CABLES1: variants seen among roughly 807,000 people sequenced by gnomAD.
The protein encoded by CABLES1 is CDK5 and ABL1 enzyme substrate 1.
Under a neutral mutation model 57.8 loss-of-function variants are expected in CABLES1, and 36 were observed. That is an observed-to-expected ratio of 0.62 (90% CI 0.48 to 0.82). CABLES1 has a LOEUF of 0.82. Among genes scored for constraint, CABLES1 ranks in the 40% least tolerant of loss-of-function variants. CABLES1 has a pLI of 0.00. For synonymous variants in CABLES1, 374 were observed against 363.0 expected, an observed-to-expected ratio of 1.03 and a Z score of -0.35; for missense variants, 767 against 836.6, an observed-to-expected ratio of 0.92 and a Z score of 1.03.
At chr18:23,252,568 C>T (rs1249895496) in intron 7 of CABLES1, among the ~76,000 whole-genome samples, 1 of 152,138 alleles carries the variant, frequency 6.6e-6, no homozygotes, top group East Asian at 1.9e-4. Flanking sequence ...TCTCCCAAAG[C>T]CGTCAGACTA....
intron 1 of CABLES1, among the ~76,000 whole-genome samples, chr18:23,172,655 T>G (rs1188817439): frequency 6.6e-6 from 1 of 152,204 alleles, no homozygotes; most frequent in Non-Finnish European, 1.5e-5. Flanking sequence ...ACCTCTGACA[T>G]AGACTTTTTT....
intron 1 of CABLES1, among the ~76,000 whole-genome samples, chr18:23,170,353 C>T (rs1189761938): frequency 2.6e-5 from 4 of 152,258 alleles, no homozygotes; most frequent in African/African-American, 4.8e-5. Context: ...TCGTGCTGTG[C>T]GAAGGAATGT....
In CABLES1 at chr18:23,135,838, A is replaced by G; in HGVS notation, c.76A>G (p.Ser26Gly). ...GSAGTDAAGA[S>G]GLQQPPPQPQ... is the part of the protein sequence containing the mutation. ...CGCCGGCACCGACGCCGCGGGCGCC[A>G]GCGGATTGCAGCAGCCGCCGCCGCA... The change falls in exon 1 of 10, where the codon AGC becomes GGC. Residue 26 changes from serine (S) to glycine (G), a missense_variant. Physicochemically the swap from Ser to Gly is moderately conservative, Grantham distance 56. Transcript: ENST00000256925. 1 of 970,550 alleles carries G rather than the reference A, an allele frequency of 1.0e-6. No individual in the cohort carries two copies. The highest frequency in any genetic ancestry group is 1.2e-6 in the Non-Finnish European group (1 of 817,594). The allele number at this position is 970,550 out of a possible 1,614,324, so 60.1% of individuals were successfully genotyped here. A position where few individuals can be genotyped will look rare whatever the true frequency, so the allele number is the denominator to read the frequency against.
chr18:23,222,995 TTC>T (rs763604750), intron 4 of CABLES1, among the ~76,000 whole-genome samples: 43 of 152,324 alleles, frequency 2.8e-4, no homozygotes, highest in Admixed American at 1.8e-3. Flanking sequence ...GCCTGTGCAG[TTC>T]TCTCCGATCA....
At chr18:23,142,802 C>T (rs1434446895) in intron 1 of CABLES1, among the ~76,000 whole-genome samples, 1 of 151,962 alleles carries the variant, frequency 6.6e-6, no homozygotes, top group Admixed American at 6.5e-5. Context: ...TTGAACTCCC[C>T]CCACCTGGGG....
In CABLES1 at chr18:23,136,267, C is replaced by G. The variant is rs930642666; in HGVS notation, c.505C>G (p.Pro169Ala). ...CGGGGTGGCGCGGGGGTTCGCGAGT[C>G]CCCTGGGCGCCGGCCGGGCGTCGGG... is the stretch of plus-strand genomic sequence containing the variant. ...GPGVARGFASPLGAGRASGEQ... is the reference protein window; with the variant it reads ...GPGVARGFASALGAGRASGEQ... The change falls in exon 1 of 10, where the codon CCC (proline) becomes GCC (alanine). Residue 169 changes from proline to alanine, a missense_variant. Pro to Ala is a conservative substitution (Grantham distance 27, BLOSUM62 -1). Around this residue, in one of 4 missense-constraint regions of CABLES1, gnomAD observed 529 missense variants for 622.8 expected, o/e 0.85. Coordinates refer to ENST00000256925, the MANE Select transcript of CABLES1 (RefSeq NM_001100619.3). 1 of 1,352,604 alleles carries G rather than the reference C, an allele frequency of 7.4e-7. No homozygotes were observed. The highest frequency in any genetic ancestry group is 9.4e-7 in the Non-Finnish European group (1 of 1,059,160). The allele number at this position is 1,352,604 out of a possible 1,614,324, so 83.8% of individuals were successfully genotyped here. A position where few individuals can be genotyped will look rare whatever the true frequency, so the allele number is the denominator to read the frequency against.
chr18:23,234,503 G>T, intron 4 of CABLES1, 105 bp from the exon 5 acceptor site: 2 of 847,582 alleles, frequency 2.4e-6, no homozygotes, highest in Non-Finnish European at 3.9e-6. Context: ...GGCTCACCTG[G>T]TCATTTTCAT....
chr18:23,184,871 T>TG (rs2145010129), intron 1 of CABLES1, among the ~76,000 whole-genome samples: 1 of 152,244 alleles, frequency 6.6e-6, no homozygotes, highest in South Asian at 2.1e-4. Context: ...GAGAGCTCTC[T>TG]GGGGTCCCCT....
At chr18:23,230,320 T>C (rs1726689937) in intron 4 of CABLES1, among the ~76,000 whole-genome samples, 1 of 152,148 alleles carries the variant, frequency 6.6e-6, no homozygotes, top group Non-Finnish European at 1.5e-5. Context: ...TGCAGTGAGC[T>C]GAGATCGCAC....
intron 9 of CABLES1, among the ~76,000 whole-genome samples, chr18:23,254,741 C>T (rs2048121444): frequency 1.3e-5 from 2 of 152,186 alleles, no homozygotes; most frequent in South Asian, 4.1e-4. Flanking sequence ...AAAGCAAGCA[C>T]TCTGGTTTCT....
chr18:23,244,864 G>A (rs2047835024), intron 7 of CABLES1, among the ~76,000 whole-genome samples: 3 of 152,208 alleles, frequency 2.0e-5, no homozygotes, highest in South Asian at 4.1e-4. Context: ...CCGAGTGTAC[G>A]GCAAGCTCAC....
At chr18:23,242,435 C>A (rs375121045) in intron 7 of CABLES1, among the ~76,000 whole-genome samples, 3 of 152,266 alleles carry the variant, frequency 2.0e-5, no homozygotes, top group Admixed American at 1.3e-4. Context: ...CAGGGGAGGG[C>A]GGATGCTTCC....
intron 7 of CABLES1, among the ~76,000 whole-genome samples, chr18:23,244,852 G>A (rs564333703): frequency 6.6e-6 from 1 of 152,314 alleles, no homozygotes; most frequent in South Asian, 2.1e-4. Flanking sequence ...AGAGAACAGT[G>A]GCCGAGTGTA....
intron 1 of CABLES1, among the ~76,000 whole-genome samples, chr18:23,152,405 T>C (rs1359151890): frequency 1.3e-5 from 2 of 152,122 alleles, no homozygotes; most frequent in African/African-American, 4.8e-5. Context: ...TATTTACGTA[T>C]GGAGATTTTC....
At chr18:23,167,508 A>C (rs2047051402) in intron 1 of CABLES1, among the ~76,000 whole-genome samples, 1 of 152,158 alleles carries the variant, frequency 6.6e-6, no homozygotes, top group South Asian at 2.1e-4. Context: ...TGTTGCTTCT[A>C]ATTTCTGTGG....
chr18:23,143,263 C>T (rs754094366), intron 1 of CABLES1, among the ~76,000 whole-genome samples: 14 of 152,360 alleles, frequency 9.2e-5, no homozygotes, highest in Middle Eastern at 3.4e-3. Flanking sequence ...AATTAACTCC[C>T]GCCCTCTGCC....
chr18:23,218,816 C>A (rs1012965268), intron 4 of CABLES1, among the ~76,000 whole-genome samples: 1 of 152,188 alleles, frequency 6.6e-6, no homozygotes, highest in African/African-American at 2.4e-5. Flanking sequence ...TTCATTCATT[C>A]TTTTATGCAT....
chr18:23,157,340 G>A (rs930861734), intron 1 of CABLES1, among the ~76,000 whole-genome samples: 3 of 151,928 alleles, frequency 2.0e-5, no homozygotes, highest in South Asian at 2.1e-4. Context: ...TAGTAAAGGC[G>A]GGGGGGCGGT....
intron 4 of CABLES1, 114 bp from the exon 5 acceptor site, chr18:23,234,494 G>T: frequency 1.3e-6 from 1 of 783,440 alleles, no homozygotes; most frequent in South Asian, 1.6e-5. Context: ...CATCACCAGG[G>T]CTCACCTGGT....
Sources: gnomAD v4.1 joint callset for allele counts (sites outside exome capture counted in the v4.1 genomes callset) on GRCh38, gnomAD v4.1.1 for gene constraint, gnomAD v4.1.1 regional missense constraint, MANE v1.5 for transcripts, NCBI Gene and HGNC (gene_info 2026-07-23, HGNC 2026-07-21) for gene names.